Variants in ZFYVE27 observed in about 807,000 individuals in gnomAD.
ZFYVE27 encodes protrudin.
Under a neutral mutation model 52.8 loss-of-function variants are expected in ZFYVE27, and 36 were observed. The ratio of observed to expected loss-of-function variants is 0.68; its 90% CI spans 0.52 to 0.90. ZFYVE27 has a LOEUF of 0.90. Ranked by LOEUF, ZFYVE27 falls within the 40% of genes least tolerant of loss-of-function variation. The pLI is 0.00. For synonymous variants in ZFYVE27, 223 were observed against 215.6 expected, an observed-to-expected ratio of 1.03 and a Z score of -0.30; for missense variants, 450 against 527.2, an observed-to-expected ratio of 0.85 and a Z score of 1.43.
At chr10:97,748,825 A>G (rs2046167220) in intron 5 of ZFYVE27, among the ~76,000 whole-genome samples, 1 of 152,238 alleles carries the variant, frequency 6.6e-6, no homozygotes, top group Non-Finnish European at 1.5e-5. Context: ...ATTCTGTTAC[A>G]GATTTAGTCA....
intron 4 of ZFYVE27, among the ~76,000 whole-genome samples, chr10:97,746,526 G>T (rs964236203): frequency 6.6e-6 from 1 of 152,124 alleles, no homozygotes. Flanking sequence ...ATACTTCAGC[G>T]TGTATTTCCT....
chr10:97,757,875 C>A, intron 12 of ZFYVE27, 152 bp downstream of exon 12: 1 of 664,452 alleles, frequency 1.5e-6, no homozygotes, highest in Non-Finnish European at 2.7e-6. Flanking sequence ...TAGCAAAATC[C>A]TGAAACATTT....
chr10:97,747,763 T>G (rs893321442), intron 4 of ZFYVE27, among the ~76,000 whole-genome samples: 1 of 152,154 alleles, frequency 6.6e-6, no homozygotes, highest in Non-Finnish European at 1.5e-5. Context: ...CTTATCTCCA[T>G]GTTTCCTGGT....
intron 8 of ZFYVE27, among the ~76,000 whole-genome samples, chr10:97,752,626 T>G (rs1411251497): frequency 6.6e-6 from 1 of 152,178 alleles, no homozygotes; most frequent in Non-Finnish European, 1.5e-5. Flanking sequence ...ACCTACTAAA[T>G]TATTTTCACC....
chr10:97,749,378 C>G, intron 5 of ZFYVE27, 96 bp from the exon 6 acceptor site: 1 of 881,622 alleles, frequency 1.1e-6, no homozygotes, highest in East Asian at 2.4e-5. Context: ...GTGCCCAGAG[C>G]TGTGTCTCAC....
intron 3 of ZFYVE27, among the ~76,000 whole-genome samples, chr10:97,743,636 T>C (rs1460406715): frequency 1.3e-5 from 2 of 152,224 alleles, no homozygotes; most frequent in African/African-American, 4.8e-5. Flanking sequence ...GTAAAGGTAC[T>C]GGGATGAGGA....
Position 97,753,128 on chromosome 10 carries a change from A to C in ZFYVE27, c.988A>C (p.Lys330Gln), listed in dbSNP as rs1331322726. ...FLSKNEVLRS[K>Q]VSRLTERLRK... is the part of the protein sequence containing the mutation. ...GAGCAAGAATGAGGTGCTGCGCAGCAAGGTGTCTCGGCTCACGGAGCGGCT... is the reference window on the plus strand; with the variant it reads ...GAGCAAGAATGAGGTGCTGCGCAGCCAGGTGTCTCGGCTCACGGAGCGGCT... The change falls in exon 10 of 13, where the codon AAG becomes CAG. Residue 330 changes from lysine (K) to glutamine (Q), a missense_variant. Lys to Gln is a moderately conservative substitution (Grantham distance 53). Coordinates refer to ENST00000684270, the MANE Select transcript of ZFYVE27 (RefSeq NM_001385875.1). 1.9e-6 allele frequency: 3 copies of C among 1,612,212 alleles called. No homozygotes were observed. The Admixed American group carries it at 5.0e-5, about 27-fold the overall frequency.
intron 11 of ZFYVE27, 40 bp from the exon 12 acceptor site, chr10:97,757,602 G>A: frequency 4.4e-6 from 7 of 1,605,352 alleles, no homozygotes; most frequent in Non-Finnish European, 6.0e-6. Context: ...CCAGGTACCT[G>A]AGGGTGAGGG....
chr10:97,746,324 A>G (rs1224640801), intron 4 of ZFYVE27, among the ~76,000 whole-genome samples: 2 of 152,212 alleles, frequency 1.3e-5, no homozygotes, highest in Non-Finnish European at 2.9e-5. Flanking sequence ...CTGGGATTGC[A>G]GGCATGAGCC....
chr10:97,758,018 T>G (rs2048826578), intron 12 of ZFYVE27: 1 of 297,102 alleles, frequency 3.4e-6, no homozygotes, highest in African/African-American at 2.2e-5. Flanking sequence ...CCAGCACTGC[T>G]CCTGCCTTCC....
chr10:97,755,389 A>G (rs1300388862), intron 10 of ZFYVE27, among the ~76,000 whole-genome samples: 1 of 152,180 alleles, frequency 6.6e-6, no homozygotes, highest in Admixed American at 6.5e-5. Flanking sequence ...TAAATAATGG[A>G]AATCTCTCAT....
Position 97,749,555 on chromosome 10 carries a change from G to A in ZFYVE27, c.633G>A (p.Thr211=), listed in dbSNP as rs1194014215. The A allele has an allele frequency of 1.9e-6, 3 of 1,614,138 alleles. No individual in the cohort carries two copies. Among genetic ancestry groups the A allele is most frequent in the East Asian group, 2.2e-5 (1 of 44,874 alleles). Residue 211 remains threonine (T), a synonymous_variant, in exon 6 of 13, where the codon ACG becomes ACA. Transcript: ENST00000684270. ...LCWVLTLLNS[T]LFLGNVEFFR... The stretch of plus-strand genomic sequence containing the variant: ...GGGTTCTCACCCTTTTAAACAGCAC[G>A]CTCTTTCTGGGGAATGTGGAGTTCT...
At position 97,757,828 on chromosome 10, in the gene ZFYVE27, G is replaced by A. The variant is rs557044402; in HGVS notation, c.1171+105G>A. 2.6e-6 allele frequency: 3 copies of A among 1,164,216 alleles called. No individual in the cohort carries two copies. In the African/African-American group the frequency reaches 4.6e-5, roughly 18 times the overall value. 72.1% of individuals were successfully genotyped at this position (1,164,216 alleles called of 1,614,324 possible). ...TCAGAGGTCAAGGGAACTTGGGATT[G>A]TAGTCAGGCCTACGGGAACGTTTCC... is the stretch of plus-strand genomic sequence containing the variant. On this transcript the variant is annotated intron_variant, in intron 12 of 12. Transcript: ENST00000684270.
Position 97,758,397 on chromosome 10 carries a change from C to T in ZFYVE27, c.1171+674C>T, listed in dbSNP as rs117651301. ...GGAGTGCAGTGGTACGGCCTTGGCT[C>T]ACCACAACCTCTGCCTCCTGGGTTC... On this transcript the variant is annotated intron_variant, in intron 12 of 12. Transcript: ENST00000684270. Among the ~76,000 whole-genome samples the T allele has an allele frequency of 1.0e-3, 154 of 150,114 alleles. 4 individuals carry two copies. In the East Asian group the frequency reaches 0.029, roughly 28 times the overall value.
intron 10 of ZFYVE27, chr10:97,754,616 C>G: frequency 1.6e-6 from 2 of 1,276,546 alleles, no homozygotes; most frequent in South Asian, 1.3e-5. Context: ...CGCCCGGCCC[C>G]TTTGTTTTAT....
intron 3 of ZFYVE27, among the ~76,000 whole-genome samples, chr10:97,744,359 A>G (rs973063201): frequency 1.3e-5 from 2 of 152,216 alleles, no homozygotes; most frequent in Non-Finnish European, 2.9e-5. Context: ...GTCAGGCATC[A>G]GGAGCTCCTG....
intron 9 of ZFYVE27, 76 bp from the exon 10 acceptor site, chr10:97,752,962 C>A: frequency 1.2e-6 from 2 of 1,612,752 alleles, no homozygotes; most frequent in South Asian, 2.2e-5. Context: ...TGGGGGCTGC[C>A]GCGCAGGATG....
At position 97,759,328 on chromosome 10, in the gene ZFYVE27, C is replaced by A; in HGVS notation, c.*28C>A. The A allele has an allele frequency of 6.2e-7, 1 of 1,613,758 alleles. No homozygotes were observed. Among genetic ancestry groups the A allele is most frequent in the Non-Finnish European group, 8.5e-7 (1 of 1,179,654 alleles). ...AGAGAGGCCAGGGTCCAACCAGGCA[C>A]CCGTCCTTGGGACCAGCAGTAGACC... is the stretch of plus-strand genomic sequence containing the variant. On this transcript the variant is annotated 3_prime_UTR_variant, in exon 13 of 13. Transcript: ENST00000684270.
chr10:97,738,706 T>C, intron 2 of ZFYVE27, 32 bp downstream of exon 2: 1 of 1,612,528 alleles, frequency 6.2e-7, no homozygotes, highest in Middle Eastern at 1.7e-4. Flanking sequence ...TCTGGTCTGC[T>C]CTGCCTTCTG....
Sources: gnomAD v4.1 joint callset for allele counts (sites outside exome capture counted in the v4.1 genomes callset) on GRCh38, gnomAD v4.1.1 for gene constraint, MANE v1.5 for transcripts, NCBI Gene and HGNC (gene_info 2026-07-23, HGNC 2026-07-21) for gene names.